The following CFAP47 variants were observed in gnomAD, a reference collection of about 807,000 sequenced individuals.
The protein encoded by CFAP47 is cilia- and flagella-associated protein 47.
Under a neutral mutation model 148.1 loss-of-function variants are expected in CFAP47, and 29 were observed. That is an observed-to-expected ratio of 0.20 (90% confidence interval 0.15 to 0.27). CFAP47 has a LOEUF of 0.27. CFAP47 is among the 10% of genes least tolerant of loss of function. The pLI is 1.00. For missense variants in CFAP47, 1,872 were observed against 1,697.5 expected, an observed-to-expected ratio of 1.10 and a Z score of -1.81; for synonymous variants, 664 against 577.3, an observed-to-expected ratio of 1.15 and a Z score of -2.15.
At chrX:36,382,694 G>C (rs1556024361) in intron 63 of CFAP47, among the ~76,000 whole-genome samples, 1 of 111,305 alleles carries the variant, frequency 9.0e-6, no homozygotes, top group African/African-American at 3.3e-5. Flanking sequence ...CGGACTTTGG[G>C]TGATCTCTTT....
At chrX:36,017,738 T>G (rs897839109) in intron 22 of CFAP47, among the ~76,000 whole-genome samples, 2 of 111,418 alleles carry the variant, frequency 1.8e-5, no homozygotes, top group Non-Finnish European at 3.8e-5. Flanking sequence ...ATTGCGTTTG[T>G]CTATGTGTCT....
intron 47 of CFAP47, 62 bp downstream of exon 47, chrX:36,236,139 T>C: frequency 5.2e-6 from 2 of 381,467 alleles, no homozygotes; most frequent in East Asian, 8.6e-5. Flanking sequence ...AATAAACTAA[T>C]GTATGACATT....
chrX:36,125,157 T>C (rs1938813521), intron 33 of CFAP47, among the ~76,000 whole-genome samples: 1 of 112,122 alleles, frequency 8.9e-6, no homozygotes, highest in Admixed American at 9.5e-5. Context: ...GATTTTTGTA[T>C]GATAATTTAT....
At chrX:36,107,678 T>C (rs922711143) in intron 33 of CFAP47, among the ~76,000 whole-genome samples, 1 of 112,055 alleles carries the variant, frequency 8.9e-6, no homozygotes, top group African/African-American at 3.2e-5. Flanking sequence ...TTATTTTGTG[T>C]TGATGTGCTG....
intron 45 of CFAP47, among the ~76,000 whole-genome samples, chrX:36,208,653 GAAACT>G (rs1166278548): frequency 2.7e-5 from 3 of 111,806 alleles, no homozygotes; most frequent in African/African-American, 6.5e-5. Flanking sequence ...GTGAAAAAAT[GAAACT>G]AAACTAATCC....
chrX:36,209,627 A>G (rs1307556785), intron 45 of CFAP47, among the ~76,000 whole-genome samples: 1 of 111,130 alleles, frequency 9.0e-6, no homozygotes, highest in Non-Finnish European at 1.9e-5. Flanking sequence ...AATAACCATA[A>G]AGGATACTTG....
intron 13 of CFAP47, among the ~76,000 whole-genome samples, chrX:35,972,523 G>A (rs1238459282): frequency 1.8e-5 from 2 of 111,295 alleles, no homozygotes; most frequent in Non-Finnish European, 1.9e-5. Flanking sequence ...GTGAGCCACC[G>A]CACCCCGCCC....
intron 2 of CFAP47, among the ~76,000 whole-genome samples, chrX:35,929,889 C>T (rs1328260865): frequency 9.0e-6 from 1 of 110,869 alleles, no homozygotes; most frequent in Non-Finnish European, 1.9e-5. Context: ...ATCTCAGCTA[C>T]TTGGAAGGCT....
chrX:36,329,286 A>G (rs1488647797), intron 57 of CFAP47, among the ~76,000 whole-genome samples: 3 of 111,774 alleles, frequency 2.7e-5, no homozygotes, highest in African/African-American at 9.8e-5. Flanking sequence ...AATATTCTCC[A>G]AAATATATAT....
intron 35 of CFAP47, among the ~76,000 whole-genome samples, chrX:36,140,954 G>A (rs1342815920): frequency 9.0e-6 from 1 of 110,916 alleles, no homozygotes; most frequent in Non-Finnish European, 1.9e-5. Context: ...TGCAAAGATA[G>A]ATAACAAAAT....
intron 19 of CFAP47, among the ~76,000 whole-genome samples, chrX:35,999,656 T>A (rs1936891888): frequency 8.9e-6 from 1 of 112,347 alleles, no homozygotes; most frequent in Non-Finnish European, 1.9e-5. Flanking sequence ...GTTTGAAGGA[T>A]GTGTAATATT....
intron 48 of CFAP47, among the ~76,000 whole-genome samples, chrX:36,248,082 G>A (rs1940640364): frequency 9.3e-6 from 1 of 107,476 alleles, no homozygotes; most frequent in South Asian, 3.8e-4. Flanking sequence ...AATCTATCAG[G>A]AATATATACC....
Position 35,967,559 on chromosome X carries a change from T to C in CFAP47, c.1601-60T>C. ...TAGTGTATTAATTAATTCATGGTTA[T>C]TGTTTTTAAAGTTGAAATTAAAAAT... On this transcript the variant is annotated intron_variant, in intron 9 of 63. Coordinates refer to ENST00000378653, the MANE Select transcript of CFAP47 (RefSeq NM_001304548.2). The C allele has an allele frequency of 5.8e-6, 5 of 867,926 alleles. No individual in the cohort carries two copies. In the East Asian group the frequency reaches 1.7e-4, roughly 30 times the overall value. The allele number at this position is 867,926 out of a possible 1,213,427, so 71.5% of individuals were successfully genotyped here.
At chrX:36,366,287 T>C (rs781876003) in intron 61 of CFAP47, among the ~76,000 whole-genome samples, 43 of 111,749 alleles carry the variant, frequency 3.8e-4, no homozygotes, top group Admixed American at 1.0e-3. Flanking sequence ...CAGATAACCA[T>C]TCATCAACTC....
At chrX:36,078,191 T>C (rs1310136167) in intron 29 of CFAP47, among the ~76,000 whole-genome samples, 1 of 111,356 alleles carries the variant, frequency 9.0e-6, no homozygotes, top group Non-Finnish European at 1.9e-5. Context: ...TGATTTGGGG[T>C]GGAGAGTTCT....
chrX:36,184,212 T>TA (rs1171007020), intron 40 of CFAP47, among the ~76,000 whole-genome samples: 2 of 111,748 alleles, frequency 1.8e-5, no homozygotes, highest in African/African-American at 6.5e-5. Flanking sequence ...GAAGACATTT[T>TA]AAAAAAAGTA....
At chrX:36,139,173 G>T (rs1366747295) in intron 35 of CFAP47, among the ~76,000 whole-genome samples, 1 of 111,760 alleles carries the variant, frequency 8.9e-6, no homozygotes, top group East Asian at 2.8e-4. Flanking sequence ...TGAAGGAAGA[G>T]ATCAATGTGA....
chrX:36,220,419 A>G (rs1940202419), intron 45 of CFAP47, among the ~76,000 whole-genome samples: 1 of 110,683 alleles, frequency 9.0e-6, no homozygotes, highest in Admixed American at 9.8e-5. Flanking sequence ...TTGTATATGT[A>G]TACATATATA....
intron 9 of CFAP47, among the ~76,000 whole-genome samples, chrX:35,966,982 A>C (rs182210817): frequency 8.5e-4 from 94 of 109,979 alleles, no homozygotes; most frequent in African/African-American, 3.0e-3. Flanking sequence ...CATGCATCAA[A>C]ATCACCTAAA....
Sources: gnomAD v4.1 joint callset for allele counts (sites outside exome capture counted in the v4.1 genomes callset) on GRCh38, gnomAD v4.1.1 for gene constraint, MANE v1.5 for transcripts, NCBI Gene and HGNC (gene_info 2026-07-23, HGNC 2026-07-21) for gene names.